The following FUBP1 variants were observed in gnomAD, a reference collection of about 807,000 sequenced individuals.
FUBP1 encodes far upstream element binding protein 1.
In FUBP1, 16 loss-of-function variants were observed where a neutral mutation model predicts 94.9. The ratio of observed to expected loss-of-function variants is 0.17; its 90% CI spans 0.11 to 0.26. The LOEUF (loss-of-function observed/expected upper bound fraction) is 0.26, where lower values mean the gene tolerates loss of function less well. Among genes scored for constraint, FUBP1 ranks in the 10% least tolerant of loss-of-function variants. The pLI is 1.00. For synonymous variants in FUBP1, 279 were observed against 254.9 expected (o/e 1.09, Z -0.90); for missense variants, 583 against 808.6 (o/e 0.72, Z 3.38).
chr1:77,955,554 T>A (rs536064890), intron 17 of FUBP1: 2 of 446,434 alleles, frequency 4.5e-6, no homozygotes, highest in Non-Finnish European at 7.9e-6. Context: ...AGACTGGTTA[T>A]GTTGAACATA....
At chr1:77,977,830 G>A (rs1447882735) in intron 1 of FUBP1, among the ~76,000 whole-genome samples, 1 of 152,158 alleles carries the variant, frequency 6.6e-6, no homozygotes, top group East Asian at 1.9e-4. Flanking sequence ...TTTATAATGC[G>A]TTCACATTAG....
chr1:77,952,351 C>G (rs1341407933), intron 18 of FUBP1, among the ~76,000 whole-genome samples: 2 of 150,440 alleles, frequency 1.3e-5, no homozygotes, highest in East Asian at 1.9e-4. Context: ...AAACTTAACC[C>G]ACACCTGTTT....
intron 19 of FUBP1, 173 bp from the exon 20 acceptor site, chr1:77,948,947 G>C: frequency 9.6e-7 from 1 of 1,037,028 alleles, no homozygotes; most frequent in Non-Finnish European, 1.5e-6. Flanking sequence ...TAAAATCAAA[G>C]GCATTGCAGA....
rs776042359 is a variant in FUBP1 at position 77,949,162 on chromosome 1, G to A, written c.1919C>T (p.Ala640Val). 3 of 1,612,176 alleles carry A rather than the reference G, an allele frequency of 1.9e-6. No homozygotes were observed. Among genetic ancestry groups the A allele is most frequent in the South Asian group, 1.1e-5 (1 of 91,030 alleles). ...SPQGMPQHPP[A>V]PQGQ ...TTAGCAATTACATTATACCTGAGGTGCTGGAGGATGCTGTGGCATTCCCTG... is the reference window on the plus strand; with the variant it reads ...TTAGCAATTACATTATACCTGAGGTACTGGAGGATGCTGTGGCATTCCCTG... Residue 640 changes from alanine (A) to valine (V), a missense_variant, in exon 19 of 20, where the codon GCA (alanine) becomes GTA (valine). Physicochemically the swap from Ala to Val is moderately conservative, Grantham distance 64 (BLOSUM62 0). Coordinates refer to ENST00000370768, the MANE Select transcript of FUBP1 (RefSeq NM_003902.5).
Position 77,956,633 on chromosome 1 carries a change from T to C in FUBP1, c.1644A>G (p.Gln548=), listed in dbSNP as rs769755891. ...CAGGGGCTGCTGGTGGTGGCTGTGC[T>C]TGCTGTTGATAATAGTGAGCGTAAT... The part of the protein sequence containing the change: ...AAYYAHYYQQ[Q]AQPPPAAPAG... Residue 548 remains glutamine, a synonymous_variant, in exon 17 of 20, where the codon CAA becomes CAG. Transcript: ENST00000370768. The C allele has an allele frequency of 1.9e-6, 3 of 1,611,938 alleles. No individual in the cohort carries two copies. The highest frequency in any genetic ancestry group is 1.1e-5 in the South Asian group (1 of 91,034).
At position 77,945,417 on chromosome 1, in the gene FUBP1, A is replaced by C. The variant is rs1651950643; in HGVS notation, c.*3349T>G. On this transcript the variant is annotated 3_prime_UTR_variant, in exon 20 of 20. Coordinates refer to ENST00000370768, the MANE Select transcript of FUBP1 (RefSeq NM_003902.5). The stretch of plus-strand genomic sequence containing the variant: ...AAGTGAATAGCACTTTAAAATGAAA[A>C]GTGATCAAAAGCAGGTACATTACAC... 4.7e-6 allele frequency: 1 copy of C among 212,280 alleles called. No individual in the cohort carries two copies. The highest frequency in any genetic ancestry group is 2.3e-5 in the African/African-American group (1 of 44,230). The allele number at this position is 212,280 out of a possible 1,614,324, so 13.1% of individuals were successfully genotyped here. A position where few individuals can be genotyped will look rare whatever the true frequency, so the allele number is the denominator to read the frequency against.
intron 17 of FUBP1, among the ~76,000 whole-genome samples, chr1:77,955,631 T>A (rs2102301394): frequency 6.6e-6 from 1 of 152,128 alleles, no homozygotes; most frequent in East Asian, 1.9e-4. Context: ...TGTAAACAAG[T>A]ACAAAAAAGG....
intron 17 of FUBP1, 48 bp from the exon 18 acceptor site, chr1:77,955,377 G>A: frequency 8.6e-7 from 1 of 1,161,756 alleles, no homozygotes; most frequent in Non-Finnish European, 1.3e-6. Flanking sequence ...GTTTTTAAAA[G>A]GCAATTTTGG....
intron 13 of FUBP1, 111 bp from the exon 14 acceptor site, chr1:77,963,041 A>G: frequency 1.6e-6 from 1 of 638,520 alleles, no homozygotes; most frequent in Non-Finnish European, 2.7e-6. Context: ...TTTGGTCAGT[A>G]TCCTAATTGA....
At chr1:77,964,027 AAAC>A (rs1252196220) in intron 12 of FUBP1, 32 bp downstream of exon 12, 1 of 1,280,970 alleles carries the variant, frequency 7.8e-7, no homozygotes, top group Non-Finnish European at 1.1e-6. Context: ...TTTTCCATAA[AAAC>A]AAAAAATGAA....
intron 7 of FUBP1, among the ~76,000 whole-genome samples, chr1:77,965,462 A>G (rs902100180): frequency 6.6e-6 from 1 of 152,228 alleles, no homozygotes; most frequent in African/African-American, 2.4e-5. Flanking sequence ...TTTATTTTTA[A>G]GAATAGTCCA....
chr1:77,972,214 C>T (rs1306699792), intron 1 of FUBP1, among the ~76,000 whole-genome samples: 3 of 152,114 alleles, frequency 2.0e-5, no homozygotes, highest in Non-Finnish European at 2.9e-5. Flanking sequence ...AGTAAATACA[C>T]TGCTGGGTAT....
rs1443721865 is a variant in FUBP1 at position 77,978,942 on chromosome 1, G to A, written c.63C>T (p.Gly21=). 3 of 1,598,916 alleles carry A rather than the reference G, an allele frequency of 1.9e-6. No individual in the cohort carries two copies. Among genetic ancestry groups the A allele is most frequent in the Non-Finnish European group, 1.7e-6 (2 of 1,167,536 alleles). The change falls in exon 1 of 20, where the codon GGC becomes GGT. Residue 21 remains glycine, a synonymous_variant. Transcript: ENST00000370768. ...SSGSAGGGGG[G]GGGGGVNDAF... ...CGTCGTTAACTCCTCCACCACCACC[G>A]CCGCCACCACCGCCACCAGCTGAGC...
chr1:77,957,351 A>T (rs1023759503), intron 16 of FUBP1, among the ~76,000 whole-genome samples: 1 of 152,126 alleles, frequency 6.6e-6, no homozygotes, highest in African/African-American at 2.4e-5. Flanking sequence ...TTTCAGCCTC[A>T]TCTCTCCCTT....
chr1:77,961,065 C>G (rs1254450341), intron 14 of FUBP1, among the ~76,000 whole-genome samples: 1 of 152,138 alleles, frequency 6.6e-6, no homozygotes, highest in Non-Finnish European at 1.5e-5. Flanking sequence ...CCTTTTTGGC[C>G]TTTCATGTAT....
At chr1:77,978,050 T>C (rs1470365415) in intron 1 of FUBP1, among the ~76,000 whole-genome samples, 2 of 152,264 alleles carry the variant, frequency 1.3e-5, no homozygotes, top group Non-Finnish European at 2.9e-5. Flanking sequence ...TTTGCTTACA[T>C]GCAAATCTAT....
chr1:77,977,749 A>T (rs959882107), intron 1 of FUBP1, among the ~76,000 whole-genome samples: 1 of 152,236 alleles, frequency 6.6e-6, no homozygotes, highest in Non-Finnish European at 1.5e-5. Flanking sequence ...AAAACCGCAG[A>T]ACTAATATTA....
In FUBP1 at chr1:77,964,632, G is replaced by A. The variant is rs1369436826; in HGVS notation, c.837+14C>T. On this transcript the variant is annotated intron_variant, in intron 10 of 19. Transcript: ENST00000370768. ...TTAGCATACAACCATTTCTGAATGG[G>A]TATTTTTACTTACATCTATCCCTTC... 2 of 1,364,940 alleles carry A rather than the reference G, an allele frequency of 1.5e-6. No homozygotes were observed. Among genetic ancestry groups the A allele is most frequent in the Non-Finnish European group, 1.0e-6 (1 of 953,108 alleles). 84.6% of individuals were successfully genotyped at this position (1,364,940 alleles called of 1,614,324 possible).
chr1:77,964,139 T>C lies in FUBP1; in HGVS notation c.964A>G (p.Ile322Val), dbSNP rs2102392353. The change falls in exon 12 of 20, where the codon ATA becomes GTA. Residue 322 changes from isoleucine (I) to valine (V), a missense_variant. Transcript: ENST00000370768. Reference protein sequence around the residue: ...KPDDGTTPERIAQITGPPDRC... With the variant: ...KPDDGTTPERVAQITGPPDRC... ...TCTGGAGGTCCTGTTATTTGTGCTATCCTTTCGGGTGTTGTCCCATCATCT... is the reference window on the plus strand; with the variant it reads ...TCTGGAGGTCCTGTTATTTGTGCTACCCTTTCGGGTGTTGTCCCATCATCT... The C allele has an allele frequency of 6.2e-7, 1 of 1,608,256 alleles. No individual in the cohort carries two copies.
Sources: gnomAD v4.1 joint callset for allele counts (sites outside exome capture counted in the v4.1 genomes callset) on GRCh38, gnomAD v4.1.1 for gene constraint, MANE v1.5 for transcripts, NCBI Gene and HGNC (gene_info 2026-07-23, HGNC 2026-07-21) for gene names.